GAL: variants seen among roughly 807,000 people sequenced by gnomAD.
GAL encodes galanin peptides.
In GAL, 14 loss-of-function variants were observed where a neutral mutation model predicts 15.8. The observed-to-expected ratio is 0.89, with a 90% CI of 0.59 to 1.39. The LOEUF (loss-of-function observed/expected upper bound fraction) is 1.39, where lower values mean the gene tolerates loss of function less well. Ranked by LOEUF, GAL falls within the 40% of genes most tolerant of loss-of-function variation. GAL has a pLI of 0.00. For synonymous variants in GAL, 79 were observed against 73.8 expected (o/e 1.07, Z -0.36); for missense variants, 176 against 170.4 (o/e 1.03, Z -0.18).
intron 4 of GAL, 69 bp from the exon 5 acceptor site, chr11:68,688,780 G>T (rs1945878291): frequency 1.3e-6 from 1 of 785,882 alleles, no homozygotes; most frequent in South Asian, 1.4e-5. Flanking sequence ...CCTCTGTAGG[G>T]AGGGGGATGA....
At position 68,691,150 on chromosome 11, in the gene GAL, A is replaced by C. The variant is rs1945901776; in HGVS notation, c.*163A>C. 1.7e-6 allele frequency: 1 copy of C among 581,356 alleles called. No homozygotes were observed. The highest frequency in any genetic ancestry group is 1.9e-5 in the African/African-American group (1 of 53,352). 36.0% of individuals were successfully genotyped at this position (581,356 alleles called of 1,614,324 possible). On this transcript the variant is annotated 3_prime_UTR_variant, in exon 6 of 6. Transcript: ENST00000265643. ...TTTTTTTTTTTTGGTAATTATTTTG[A>C]GTGGCAAAATAAAGAATAGCAATTA...
At chr11:68,688,142 C>T in intron 4 of GAL, 42 bp downstream of exon 4, 1 of 1,201,602 alleles carries the variant, frequency 8.3e-7, no homozygotes, top group Non-Finnish European at 1.2e-6. Flanking sequence ...ACCTCACTTC[C>T]ACCAGCTCCC....
rs143418460 is a variant in GAL, at chr11:68,685,788, G to A, written c.136+140G>A. ...CCTCATTGCCCGTCTCCATTGCTCT[G>A]CACACTTGATCTGTGTACGGTTCTT... On this transcript the variant is annotated intron_variant, in intron 3 of 5. Transcript: ENST00000265643. 8.3e-3 allele frequency: 5,815 copies of A among 697,598 alleles called. 50 individuals are homozygous for A. Among genetic ancestry groups the A allele is most frequent in the Middle Eastern group, 0.015 (49 of 3,202 alleles). The allele number at this position is 697,598 out of a possible 1,614,324, so 43.2% of individuals were successfully genotyped here.
intron 3 of GAL, among the ~76,000 whole-genome samples, chr11:68,687,583 A>G (rs1490257174): frequency 6.6e-6 from 1 of 152,112 alleles, no homozygotes; most frequent in African/African-American, 2.4e-5. Context: ...TTCAGTCACA[A>G]CTTAAACTCT....
rs1263818680 is a variant in GAL at position 68,688,864 on chromosome 11, C to G, written c.239C>G (p.Ser80Cys). The stretch of plus-strand genomic sequence containing the variant: ...TCTCTTCTAGGAAGCTTTGACAGGT[C>G]CATACCTGAAAACAATATCATGCGC... ...DDMKPGSFDRSIPENNIMRTI... is the reference protein window; with the variant it reads ...DDMKPGSFDRCIPENNIMRTI... The change falls in exon 5 of 6, where the codon TCC (serine) becomes TGC (cysteine). Residue 80 changes from serine (S) to cysteine (C), a missense_variant. Physicochemically the swap from Ser to Cys is moderately radical, Grantham distance 112. Transcript: ENST00000265643. 1 of 1,552,544 alleles carries G rather than the reference C, an allele frequency of 6.4e-7. No individual in the cohort carries two copies. Among genetic ancestry groups the G allele is most frequent in the African/African-American group, 1.4e-5 (1 of 73,862 alleles).
chr11:68,691,014 T>C lies in GAL; in HGVS notation c.*27T>C, dbSNP rs2153989965. The C allele has an allele frequency of 7.1e-7, 1 of 1,417,054 alleles. No homozygotes were observed. The highest frequency in any genetic ancestry group is 1.0e-6 in the Non-Finnish European group (1 of 999,946). The allele number at this position is 1,417,054 out of a possible 1,614,324, so 87.8% of individuals were successfully genotyped here. A position where few individuals can be genotyped will look rare whatever the true frequency, so the allele number is the denominator to read the frequency against. ...AGCCTCCTGGGCATGTTTGTCTGTG[T>C]GCTGTAACCTGAAGTCAAACCTTAA... On this transcript the variant is annotated 3_prime_UTR_variant, in exon 6 of 6. Coordinates refer to ENST00000265643, the MANE Select transcript of GAL (RefSeq NM_015973.5).
rs1460598118 is a variant in GAL, at chr11:68,685,642, G to T, written c.130G>T (p.Gly44Cys). 2.5e-6 allele frequency: 4 copies of T among 1,611,982 alleles called. No homozygotes were observed. Among genetic ancestry groups the T allele is most frequent in the Non-Finnish European group, 3.4e-6 (4 of 1,178,176 alleles). ...WTLNSAGYLLGPHAVGNHRSF... is the reference protein window; with the variant it reads ...WTLNSAGYLLCPHAVGNHRSF... ...CCTGAACAGCGCGGGCTACCTGCTG[G>T]GCCCACGTAAGTGACTGACAGCATG... The change falls in exon 3 of 6, where the codon GGC (glycine) becomes TGC (cysteine). Residue 44 changes from glycine to cysteine, a missense_variant. Physicochemically the swap from Gly to Cys is radical, Grantham distance 159 (BLOSUM62 -3). Transcript: ENST00000265643.
chr11:68,684,562 G>C lies in GAL; in HGVS notation c.-171G>C, dbSNP rs1393505689. The C allele has an allele frequency of 1.1e-5, 2 of 183,152 alleles. No homozygotes were observed. The highest frequency in any genetic ancestry group is 2.7e-4 in the East Asian group (2 of 7,444). 11.3% of individuals were successfully genotyped at this position (183,152 alleles called of 1,614,324 possible). On this transcript the variant is annotated 5_prime_UTR_variant, in exon 1 of 6. Transcript: ENST00000265643. ...GGCGGCCACACCGGGCGGCGGACAC[G>C]TGGAGGGACCCGGCCCGCGCCTTCT...
intron 5 of GAL, among the ~76,000 whole-genome samples, chr11:68,689,946 G>A (rs919937631): frequency 6.6e-6 from 1 of 152,242 alleles, no homozygotes; most frequent in African/African-American, 2.4e-5. Context: ...CAGCAGTGGA[G>A]GGAGCCGGAA....
chr11:68,685,086 T>C lies in GAL; in HGVS notation c.81+82T>C, dbSNP rs1372389887. The stretch of plus-strand genomic sequence containing the variant: ...GGAGGGCTTCCTGGAGGAGGCAGCC[T>C]CCGCCCTGCCCGCGGGGATGGGGGT... On this transcript the variant is annotated intron_variant, in intron 2 of 5. Transcript: ENST00000265643. The C allele has an allele frequency of 5.5e-6, 5 of 917,320 alleles. No homozygotes were observed. The East Asian group carries it at 8.0e-5, about 15-fold the overall frequency. The allele number at this position is 917,320 out of a possible 1,614,324, so 56.8% of individuals were successfully genotyped here.
rs760189438 is a variant in GAL at position 68,685,029 on chromosome 11, G to T, written c.81+25G>T. ...GGTAAGTGCGGGGCGCGTCTCCTCC[G>T]AGCGAAGGGGACATCAGAGCCGGCC... On this transcript the variant is annotated intron_variant, in intron 2 of 5. Transcript: ENST00000265643. 27 of 1,489,360 alleles carry T rather than the reference G, an allele frequency of 1.8e-5. No homozygotes were observed. In the Middle Eastern group the frequency reaches 5.2e-4, roughly 29 times the overall value. 92.3% of individuals were successfully genotyped at this position (1,489,360 alleles called of 1,614,324 possible).
At position 68,684,640 on chromosome 11, in the gene GAL, A is replaced by T; in HGVS notation, c.-93A>T. The T allele has an allele frequency of 3.3e-6, 1 of 303,740 alleles. No individual in the cohort carries two copies. Among genetic ancestry groups the T allele is most frequent in the Non-Finnish European group, 6.0e-6 (1 of 166,296 alleles). 18.8% of individuals were successfully genotyped at this position (303,740 alleles called of 1,614,324 possible). A position where few individuals can be genotyped will look rare whatever the true frequency, so the allele number is the denominator to read the frequency against. On this transcript the variant is annotated 5_prime_UTR_variant, in exon 1 of 6. Transcript: ENST00000265643. Reference sequence around the variant, plus strand: ...TGAGCGCCCCAGGCCGCCAGAGCCCACCCGACCCGGCCCGACGCCCGGACC... The same window carrying T: ...TGAGCGCCCCAGGCCGCCAGAGCCCTCCCGACCCGGCCCGACGCCCGGACC...
chr11:68,684,599 C>T lies in GAL; in HGVS notation c.-134C>T. The T allele has an allele frequency of 4.2e-6, 1 of 236,560 alleles. No homozygotes were observed. Among genetic ancestry groups the T allele is most frequent in the Non-Finnish European group, 8.1e-6 (1 of 122,978 alleles). 14.7% of individuals were successfully genotyped at this position (236,560 alleles called of 1,614,324 possible). ...GGCCCGCGCCTTCTGCCCCTGCTGC[C>T]GGCCGCGCCATGCGGTGAGCGCCCC... On this transcript the variant is annotated 5_prime_UTR_variant, in exon 1 of 6. Coordinates refer to ENST00000265643, the MANE Select transcript of GAL (RefSeq NM_015973.5).
chr11:68,689,091 T>C (rs1216571362), intron 5 of GAL, among the ~76,000 whole-genome samples, 165 bp downstream of exon 5: 1 of 152,060 alleles, frequency 6.6e-6, no homozygotes, highest in African/African-American at 2.4e-5. Context: ...AATGTAACAC[T>C]AGAGCTAGCT....
At chr11:68,687,886 TG>T (rs752282923) in intron 3 of GAL, 127 bp from the exon 4 acceptor site, 2 of 654,038 alleles carry the variant, frequency 3.1e-6, no homozygotes, top group Non-Finnish European at 5.6e-6. Context: ...TGTCTGTCCC[TG>T]GGCTCTATTT....
chr11:68,688,091 A>G lies in GAL; in HGVS notation c.214A>G (p.Met72Val), dbSNP rs765429698. The change falls in exon 4 of 6, where the codon ATG (methionine) becomes GTG (valine). Residue 72 changes from methionine (M) to valine (V), a missense_variant. Transcript: ENST00000265643. ...SKRELRPEDD[M>V]KPGSFDRSIP... ...GCGGGAGCTGCGGCCCGAAGATGAC[A>G]TGAAACCAGGTGAGAGGACTCCTAT... The G allele has an allele frequency of 3.6e-5, 58 of 1,607,646 alleles. No homozygotes were observed. The highest frequency in any genetic ancestry group is 1.6e-4 in the Middle Eastern group (1 of 6,076).
chr11:68,685,708 C>T, intron 3 of GAL, 60 bp downstream of exon 3: 3 of 1,226,580 alleles, frequency 2.4e-6, no homozygotes, highest in Admixed American at 3.6e-5. Context: ...CGCTTTGAAC[C>T]CTGGCTCCTG....
chr11:68,685,017 C>T lies in GAL; in HGVS notation c.81+13C>T. ...GCTCTGGTCGCCGGTAAGTGCGGGGCGCGTCTCCTCCGAGCGAAGGGGACA... is the reference window on the plus strand; with the variant it reads ...GCTCTGGTCGCCGGTAAGTGCGGGGTGCGTCTCCTCCGAGCGAAGGGGACA... On this transcript the variant is annotated intron_variant, in intron 2 of 5. Coordinates refer to ENST00000265643, the MANE Select transcript of GAL (RefSeq NM_015973.5). 3 of 1,561,126 alleles carry T rather than the reference C, an allele frequency of 1.9e-6. No homozygotes were observed. Among genetic ancestry groups the T allele is most frequent in the Non-Finnish European group, 2.6e-6 (3 of 1,144,364 alleles).
chr11:68,688,990 C>G, intron 5 of GAL, 64 bp downstream of exon 5: 3 of 806,630 alleles, frequency 3.7e-6, no homozygotes, highest in Non-Finnish European at 4.3e-6. Flanking sequence ...AAAGGCCCAT[C>G]GAGAAGAGAA....
Sources: allele counts gnomAD v4.1 joint callset (sites outside exome capture counted in the v4.1 genomes callset), GRCh38; gene constraint gnomAD v4.1.1; transcripts MANE v1.5; gene names NCBI Gene and HGNC (gene_info 2026-07-23, HGNC 2026-07-21).